The following C10orf71 variants were observed in gnomAD, a reference collection of about 807,000 sequenced individuals.
The protein encoded by C10orf71 is chromosome 10 open reading frame 71, also known as cardiac-enriched FHL2-interacting protein.
For missense variants in C10orf71, 1,869 were observed against 1,804.5 expected (o/e 1.04, Z -0.65); for synonymous variants, 758 against 726.3 (o/e 1.04, Z -0.70).
At chr10:49,297,829 G>A (rs909546885), upstream of C10orf71, among the ~76,000 whole-genome samples, 1 of 152,226 alleles carries the variant, frequency 6.6e-6, no homozygotes, top group Admixed American at 6.5e-5. Flanking sequence ...CAAATGGGGA[G>A]GTAGGGAGGT....
Position 49,324,484 on chromosome 10 carries a change from C to G in C10orf71, c.1939C>G (p.Leu647Val), listed in dbSNP as rs1849176274. The change falls in exon 3 of 3, where the codon CTG becomes GTG. Residue 647 changes from leucine (L) to valine (V), a missense_variant. Physicochemically the swap from Leu to Val is conservative, Grantham distance 32 (BLOSUM62 1). Transcript: ENST00000374144. Reference protein sequence around the residue: ...REHRPRKHLSLRLCNRDPEPG... With the variant: ...REHRPRKHLSVRLCNRDPEPG... ...ACACCGCCCCAGGAAACACCTCTCC[C>G]TGAGGCTTTGCAATAGGGATCCTGA... is the stretch of plus-strand genomic sequence containing the variant. 6.2e-7 allele frequency: 1 copy of G among 1,609,466 alleles called. No individual in the cohort carries two copies. The highest frequency in any genetic ancestry group is 1.1e-5 in the South Asian group (1 of 90,450).
At chr10:49,306,821 CA>C (rs1180031352) in intron 1 of C10orf71, among the ~76,000 whole-genome samples, 2 of 152,234 alleles carry the variant, frequency 1.3e-5, no homozygotes, top group East Asian at 1.9e-4. Flanking sequence ...GCCCAGATCC[CA>C]GGGGGACCCA....
chr10:49,326,975 A>C lies in C10orf71; in HGVS notation c.*122A>C. 6.7e-7 allele frequency: 1 copy of C among 1,484,738 alleles called. No homozygotes were observed. The highest frequency in any genetic ancestry group is 9.1e-7 in the Non-Finnish European group (1 of 1,104,228). The allele number at this position is 1,484,738 out of a possible 1,614,324, so 92.0% of individuals were successfully genotyped here. A position where few individuals can be genotyped will look rare whatever the true frequency, so the allele number is the denominator to read the frequency against. Reference sequence around the variant, plus strand: ...CACACACACACACGATCATCAACACATACTTAGCCTTTTTAGATCCATAAA... The same window carrying C: ...CACACACACACACGATCATCAACACCTACTTAGCCTTTTTAGATCCATAAA... On this transcript the variant is annotated 3_prime_UTR_variant, in exon 3 of 3. Coordinates refer to ENST00000374144, the MANE Select transcript of C10orf71 (RefSeq NM_001135196.2).
At chr10:49,298,029 A>G (rs1378488522), upstream of C10orf71, among the ~76,000 whole-genome samples, 1 of 152,244 alleles carries the variant, frequency 6.6e-6, no homozygotes, top group Non-Finnish European at 1.5e-5. Context: ...CTGCAGGGCA[A>G]GGAGGAGCTG....
Position 49,325,727 on chromosome 10 carries a change from C to A in C10orf71, c.3182C>A (p.Ser1061Tyr), listed in dbSNP as rs1433016245. The change falls in exon 3 of 3, where the codon TCC (serine) becomes TAC (tyrosine). Residue 1061 changes from serine to tyrosine, a missense_variant. Transcript: ENST00000374144. ...SERANSPNPG[S>Y]PGESSACSPA... The stretch of plus-strand genomic sequence containing the variant: ...AGGGCGAATTCCCCCAACCCCGGCT[C>A]CCCCGGGGAGAGCAGTGCCTGCTCC... 1.3e-6 allele frequency: 2 copies of A among 1,550,776 alleles called. No individual in the cohort carries two copies. The highest frequency in any genetic ancestry group is 1.2e-5 in the South Asian group (1 of 84,018).
intron 1 of C10orf71, 157 bp downstream of exon 1, chr10:49,299,390 G>C (rs1262271771): frequency 6.6e-6 from 1 of 152,526 alleles, no homozygotes; most frequent in Non-Finnish European, 1.5e-5. Flanking sequence ...TGGCTGCTGG[G>C]CAGAGCCGGG....
At chr10:49,314,088 G>A (rs930336110) in intron 1 of C10orf71, among the ~76,000 whole-genome samples, 1 of 152,152 alleles carries the variant, frequency 6.6e-6, no homozygotes, top group Non-Finnish European at 1.5e-5. Flanking sequence ...GTAGACAATG[G>A]CCACGAGTCT....
chr10:49,324,972 A>T lies in C10orf71; in HGVS notation c.2427A>T (p.Gly809=). 1 of 1,550,880 alleles carries T rather than the reference A, an allele frequency of 6.4e-7. No individual in the cohort carries two copies. ...ALQRERESVS[G]GRTRKASAEE... The stretch of plus-strand genomic sequence containing the variant: ...AAAGAGAAAGGGAAAGTGTGTCTGG[A>T]GGAAGAACCAGGAAGGCATCAGCAG... The change falls in exon 3 of 3, where the codon GGA becomes GGT. Residue 809 remains glycine (G), a synonymous_variant. Transcript: ENST00000374144.
At chr10:49,308,137 ACC>A (rs979450898) in intron 1 of C10orf71, among the ~76,000 whole-genome samples, 27 of 152,264 alleles carry the variant, frequency 1.8e-4, no homozygotes, top group African/African-American at 6.3e-4. Context: ...AGCCCCTGCT[ACC>A]CCCTGCTCAC....
rs1375251330 is a variant in C10orf71 at position 49,326,039 on chromosome 10, G to C, written c.3494G>C (p.Arg1165Thr). 1 of 1,551,702 alleles carries C rather than the reference G, an allele frequency of 6.4e-7. No individual in the cohort carries two copies. Among genetic ancestry groups the C allele is most frequent in the South Asian group, 1.2e-5 (1 of 84,062 alleles). ...GRLELPAQLE[R>T]TASKPPAVPP... ...CTTGAGCTTCCTGCACAGCTAGAGA[G>C]GACAGCAAGCAAGCCACCTGCAGTC... The change falls in exon 3 of 3, where the codon AGG becomes ACG. Residue 1165 changes from arginine (R) to threonine (T), a missense_variant. Transcript: ENST00000374144.
At chr10:49,304,497 G>A (rs1848780604) in intron 1 of C10orf71, among the ~76,000 whole-genome samples, 1 of 152,220 alleles carries the variant, frequency 6.6e-6, no homozygotes, top group Non-Finnish European at 1.5e-5. Context: ...GGGACTACCA[G>A]GGGGCTAACA....
In C10orf71 at chr10:49,324,265, A is replaced by G; in HGVS notation, c.1720A>G (p.Lys574Glu). ...DPTASHINPQ[K>E]DPTADPSEPS... ...CACTGCATCACACATCAATCCCCAG[A>G]AGGACCCTACAGCTGACCCCAGTGA... The change falls in exon 3 of 3, where the codon AAG becomes GAG. Residue 574 changes from lysine to glutamate, a missense_variant. Coordinates refer to ENST00000374144, the MANE Select transcript of C10orf71 (RefSeq NM_001135196.2). 1 of 1,613,892 alleles carries G rather than the reference A, an allele frequency of 6.2e-7. No individual in the cohort carries two copies. The highest frequency in any genetic ancestry group is 8.5e-7 in the Non-Finnish European group (1 of 1,179,868).
rs921454255 is a variant in C10orf71 at position 49,326,656 on chromosome 10, C to T, written c.4111C>T (p.Arg1371Cys). ...LRQGPRASAARARTQSVHESG... is the reference protein window; with the variant it reads ...LRQGPRASAACARTQSVHESG... Reference sequence around the variant, plus strand: ...GCAGGGCCCTCGTGCCTCCGCGGCCCGCGCCAGGACCCAGAGTGTCCACGA... The same window carrying T: ...GCAGGGCCCTCGTGCCTCCGCGGCCTGCGCCAGGACCCAGAGTGTCCACGA... The change falls in exon 3 of 3, where the codon CGC (arginine) becomes TGC (cysteine). Residue 1371 changes from arginine to cysteine, a missense_variant. Physicochemically the swap from Arg to Cys is radical, Grantham distance 180. Transcript: ENST00000374144. 4 of 1,550,392 alleles carry T rather than the reference C, an allele frequency of 2.6e-6. No homozygotes were observed. The highest frequency in any genetic ancestry group is 3.9e-5 in the Admixed American group (2 of 51,000).
chr10:49,303,756 G>T (rs1271137213), intron 1 of C10orf71, among the ~76,000 whole-genome samples: 2 of 152,248 alleles, frequency 1.3e-5, no homozygotes, highest in Admixed American at 6.5e-5. Flanking sequence ...GAACCAGGCT[G>T]GCCACATCTG....
chr10:49,325,906 G>T lies in C10orf71; in HGVS notation c.3361G>T (p.Gly1121Cys), dbSNP rs1849229432. The T allele has an allele frequency of 1.3e-6, 2 of 1,550,102 alleles. No individual in the cohort carries two copies. The highest frequency in any genetic ancestry group is 1.4e-5 in the African/African-American group (1 of 73,024). ...CCTGACCCACGCCCTCGTGTGGGAGGGCGGCTCTGACCCCCTACTTGAGCT... is the reference window on the plus strand; with the variant it reads ...CCTGACCCACGCCCTCGTGTGGGAGTGCGGCTCTGACCCCCTACTTGAGCT... ...EDLTHALVWE[G>C]GSDPLLELSA... The change falls in exon 3 of 3, where the codon GGC (glycine) becomes TGC (cysteine). Residue 1121 changes from glycine (G) to cysteine (C), a missense_variant. By Grantham distance (159) the Gly-to-Cys change is radical. Transcript: ENST00000374144.
intron 1 of C10orf71, among the ~76,000 whole-genome samples, chr10:49,311,870 C>A (rs1474111797): frequency 6.6e-6 from 1 of 152,066 alleles, no homozygotes; most frequent in Non-Finnish European, 1.5e-5. Flanking sequence ...ACTTGAGGGT[C>A]TGCATAGGCA....
In C10orf71 at chr10:49,325,326, G is replaced by A; in HGVS notation, c.2781G>A (p.Val927=). 1.3e-6 allele frequency: 2 copies of A among 1,551,780 alleles called. No individual in the cohort carries two copies. The highest frequency in any genetic ancestry group is 1.7e-6 in the Non-Finnish European group (2 of 1,147,016). ...CCACTAACACACGGGGCACACGTGT[G>A]AAGTGCATGGCCAACGAGGTCATGG... is the stretch of plus-strand genomic sequence containing the variant. ...STPTNTRGTR[V]KCMANEVMED... The change falls in exon 3 of 3, where the codon GTG becomes GTA. Residue 927 remains valine, a synonymous_variant. Coordinates refer to ENST00000374144, the MANE Select transcript of C10orf71 (RefSeq NM_001135196.2).
intron 2 of C10orf71, among the ~76,000 whole-genome samples, chr10:49,319,668 T>G (rs1849057675): frequency 1.0e-5 from 1 of 97,818 alleles, no homozygotes; most frequent in African/African-American, 3.5e-5. Flanking sequence ...TATATATATG[T>G]ACACACACAC....
In C10orf71 at chr10:49,322,764, C is replaced by A. The variant is rs763123945; in HGVS notation, c.219C>A (p.Gly73=). The change falls in exon 3 of 3, where the codon GGC becomes GGA. Residue 73 remains glycine, a synonymous_variant. Transcript: ENST00000374144. ...VFGTFHQRTV[G]HTQRKSGIWS... ...GGACTTTTCACCAGAGAACAGTGGG[C>A]CACACCCAGAGGAAAAGTGGCATTT... The A allele has an allele frequency of 5.0e-6, 8 of 1,613,504 alleles. No individual in the cohort carries two copies. Among genetic ancestry groups the A allele is most frequent in the Non-Finnish European group, 6.8e-6 (8 of 1,179,542 alleles).
Sources: allele counts gnomAD v4.1 joint callset (sites outside exome capture counted in the v4.1 genomes callset), GRCh38; gene constraint gnomAD v4.1.1; transcripts MANE v1.5; gene names NCBI Gene and HGNC (gene_info 2026-07-23, HGNC 2026-07-21).